KCTD9: variants seen among roughly 807,000 people sequenced by gnomAD.
KCTD9 encodes BTB/POZ domain-containing protein KCTD9.
KCTD9 carries 17 observed loss-of-function variants against 53.3 expected under a neutral mutation model. The observed-to-expected ratio is 0.32, with a 90% confidence interval of 0.22 to 0.48. The LOEUF (loss-of-function observed/expected upper bound fraction) is 0.48, where lower values mean the gene tolerates loss of function less well. Among genes scored for constraint, KCTD9 ranks in the 20% least tolerant of loss-of-function variants. The pLI is 0.99. For missense variants in KCTD9, 179 were observed against 465.5 expected, an observed-to-expected ratio of 0.38 and a Z score of 5.66; for synonymous variants, 128 against 162.7, an observed-to-expected ratio of 0.79 and a Z score of 1.62.
At chr8:25,453,398 G>A (rs1450567354) in intron 1 of KCTD9, among the ~76,000 whole-genome samples, 1 of 151,862 alleles carries the variant, frequency 6.6e-6, no homozygotes. Context: ...GCTCAAGCCT[G>A]TAATTCCAGC....
At chr8:25,431,691 T>G (rs1030963813) in intron 11 of KCTD9, among the ~76,000 whole-genome samples, 3 of 152,198 alleles carry the variant, frequency 2.0e-5, no homozygotes, top group African/African-American at 7.2e-5. Context: ...GGATTATACT[T>G]AGGCCAATTC....
Position 25,436,429 on chromosome 8 carries a change from C to T in KCTD9, c.556G>A (p.Val186Met). The stretch of plus-strand genomic sequence containing the variant: ...AAAAACAGGCTTACCTTTATTGCCA[C>T]TTCTAGGTGTTCAATCAATGAGTCA... ...GIDSLIEHLE[V>M]AIKNSQPPED... is the part of the protein sequence containing the mutation. The change falls in exon 7 of 12, where the codon GTG becomes ATG. Residue 186 changes from valine to methionine, a missense_variant. Physicochemically the swap from Val to Met is conservative, Grantham distance 21. Transcript: ENST00000221200. 1 of 1,606,336 alleles carries T rather than the reference C, an allele frequency of 6.2e-7. No homozygotes were observed. The highest frequency in any genetic ancestry group is 8.5e-7 in the Non-Finnish European group (1 of 1,178,246).
chr8:25,432,730 T>A, intron 10 of KCTD9, 93 bp from the exon 11 acceptor site: 1 of 1,124,080 alleles, frequency 8.9e-7, no homozygotes, highest in African/African-American at 1.6e-5. Flanking sequence ...AGGCCTCTTT[T>A]AACTTTTGGA....
intron 1 of KCTD9, 72 bp from the exon 2 acceptor site, chr8:25,446,322 C>CA: frequency 6.6e-7 from 1 of 1,507,304 alleles, no homozygotes; most frequent in Non-Finnish European, 9.1e-7. Context: ...TAAACTACCA[C>CA]ACTAGAACAG....
At chr8:25,441,329 C>G (rs1403778063) in intron 3 of KCTD9, among the ~76,000 whole-genome samples, 1 of 152,106 alleles carries the variant, frequency 6.6e-6, no homozygotes, top group East Asian at 1.9e-4. Flanking sequence ...TGTCAGCCCT[C>G]TTTTCAAGTT....
At chr8:25,452,228 G>A (rs776755328) in intron 1 of KCTD9, among the ~76,000 whole-genome samples, 7 of 152,046 alleles carry the variant, frequency 4.6e-5, no homozygotes, top group Non-Finnish European at 7.4e-5. Context: ...AAAAAAAGAT[G>A]AGATAATTAA....
At chr8:25,442,632 T>G (rs1802144092) in intron 3 of KCTD9, among the ~76,000 whole-genome samples, 1 of 152,114 alleles carries the variant, frequency 6.6e-6, no homozygotes, top group South Asian at 2.1e-4. Context: ...AGATAAACAC[T>G]GGAAACATAA....
At chr8:25,443,981 T>G (rs1802168345) in intron 3 of KCTD9, among the ~76,000 whole-genome samples, 1 of 152,046 alleles carries the variant, frequency 6.6e-6, no homozygotes, top group Admixed American at 6.6e-5. Flanking sequence ...ACATTCACCA[T>G]CAAAGAAAAA....
At position 25,430,425 on chromosome 8, in the gene KCTD9, A is replaced by G. The variant is rs1399152069; in HGVS notation, c.1054-452T>C. 2.0e-5 allele frequency among the ~76,000 whole-genome samples: 3 copies of G among 152,164 alleles called. 1 individual carries two copies. On this transcript the variant is annotated intron_variant, in intron 11 of 11. Transcript: ENST00000221200. ...CACCTCCTGTCAGATCAGCAGGGGC[A>G]TTAGATTCGCACAGGAGCGTGAACC...
At chr8:25,456,846 T>C (rs1802446104) in intron 1 of KCTD9, among the ~76,000 whole-genome samples, 1 of 152,228 alleles carries the variant, frequency 6.6e-6, no homozygotes, top group South Asian at 2.1e-4. Flanking sequence ...ATAGCAGAGA[T>C]ACTGCATTAA....
chr8:25,458,391 C>T lies in KCTD9; in HGVS notation c.-145G>A. 1 of 863,918 alleles carries T rather than the reference C, an allele frequency of 1.2e-6. No individual in the cohort carries two copies. The highest frequency in any genetic ancestry group is 1.9e-6 in the Non-Finnish European group (1 of 534,964). The allele number at this position is 863,918 out of a possible 1,614,324, so 53.5% of individuals were successfully genotyped here. On this transcript the variant is annotated 5_prime_UTR_variant, in exon 1 of 12. It adds an upstream start codon to the 5' untranslated region. Transcript: ENST00000221200. The stretch of plus-strand genomic sequence containing the variant: ...CCTTCCTGCCCTTGGGGACACACCA[C>T]ACGCACGCACTCTGTCCCACACCCA...
chr8:25,431,019 C>T (rs1252566928), intron 11 of KCTD9, among the ~76,000 whole-genome samples: 5 of 151,960 alleles, frequency 3.3e-5, no homozygotes, highest in Admixed American at 2.0e-4. Flanking sequence ...TTAGTAGAGA[C>T]GGGGTTTCAC....
intron 6 of KCTD9, among the ~76,000 whole-genome samples, chr8:25,437,913 T>C (rs574583755): frequency 3.5e-5 from 5 of 140,974 alleles, no homozygotes; most frequent in Non-Finnish European, 7.7e-5. Context: ...TGCCACTCAC[T>C]ACTTTTTGGT....
intron 1 of KCTD9, among the ~76,000 whole-genome samples, chr8:25,455,816 A>C (rs1411659653): frequency 2.0e-5 from 3 of 152,190 alleles, no homozygotes; most frequent in African/African-American, 7.2e-5. Context: ...AGACCAGCTG[A>C]ATGTTCAGTG....
intron 3 of KCTD9, among the ~76,000 whole-genome samples, chr8:25,442,522 A>G (rs1802142042): frequency 6.6e-6 from 1 of 152,240 alleles, no homozygotes; most frequent in African/African-American, 2.4e-5. Flanking sequence ...CCAAAATTAT[A>G]TAAAGATGGT....
chr8:25,447,120 G>A (rs1039260638), intron 1 of KCTD9, among the ~76,000 whole-genome samples: 3 of 152,182 alleles, frequency 2.0e-5, no homozygotes, highest in African/African-American at 4.8e-5. Flanking sequence ...AGGGTCGGGC[G>A]CAGTGGTTCA....
chr8:25,442,683 C>T (rs1383908739), intron 3 of KCTD9, among the ~76,000 whole-genome samples: 1 of 152,100 alleles, frequency 6.6e-6, no homozygotes, highest in Non-Finnish European at 1.5e-5. Context: ...AGAAGTAAAA[C>T]TAAATGAGTG....
intron 1 of KCTD9, among the ~76,000 whole-genome samples, chr8:25,452,027 A>G (rs1281942880): frequency 6.6e-6 from 1 of 152,218 alleles, no homozygotes; most frequent in Non-Finnish European, 1.5e-5. Context: ...TAAATACACA[A>G]GTATTTATTG....
chr8:25,430,239 A>G (rs962323379), intron 11 of KCTD9, among the ~76,000 whole-genome samples: 7 of 152,130 alleles, frequency 4.6e-5, no homozygotes, highest in Admixed American at 1.3e-4. Flanking sequence ...ATATTTTATA[A>G]GGAGACATTG....
Sources: allele counts gnomAD v4.1 joint callset (sites outside exome capture counted in the v4.1 genomes callset), GRCh38; gene constraint gnomAD v4.1.1; transcripts MANE v1.5; gene names NCBI Gene and HGNC (gene_info 2026-07-23, HGNC 2026-07-21).